The following TENT4A variants were observed in gnomAD, a reference collection of about 807,000 sequenced individuals.
The protein encoded by TENT4A is DNA polymerase kappa.
Under a neutral mutation model 72.8 loss-of-function variants are expected in TENT4A, and 7 were observed. That is an observed-to-expected ratio of 0.10 (90% CI 0.05 to 0.18). TENT4A has a LOEUF of 0.18. Ranked by LOEUF, TENT4A falls within the 10% of genes least tolerant of loss-of-function variation. The pLI is 1.00. For synonymous variants in TENT4A, 456 were observed against 434.3 expected (o/e 1.05, Z -0.62); for missense variants, 831 against 1,017.7 (o/e 0.82, Z 2.50).
intron 2 of TENT4A, 92 bp downstream of exon 2, chr5:6,737,725 G>A: frequency 1.4e-6 from 2 of 1,400,294 alleles, no homozygotes; most frequent in Non-Finnish European, 1.9e-6. Context: ...GATCCACACA[G>A]ACCTTTTCTC....
intron 1 of TENT4A, among the ~76,000 whole-genome samples, chr5:6,729,351 A>G (rs1366203759): frequency 2.0e-5 from 3 of 152,270 alleles, no homozygotes; most frequent in Non-Finnish European, 4.4e-5. Context: ...CCAGGATATT[A>G]ATGTTTTTAG....
intron 1 of TENT4A, 143 bp downstream of exon 1, chr5:6,714,842 A>G (rs1440568049): frequency 8.4e-6 from 3 of 358,494 alleles, no homozygotes; most frequent in Admixed American, 5.0e-5. Flanking sequence ...TCTGCACTGA[A>G]AGTTTTTTTT....
rs1324506529 is a variant in TENT4A, at chr5:6,714,623, G to C, written c.640G>C (p.Gly214Arg). 9.2e-6 allele frequency: 11 copies of C among 1,198,222 alleles called. No individual in the cohort carries two copies. The highest frequency in any genetic ancestry group is 1.1e-5 in the Non-Finnish European group (11 of 966,312). 74.2% of individuals were successfully genotyped at this position (1,198,222 alleles called of 1,614,324 possible). Residue 214 changes from glycine to arginine, a missense_variant, in exon 1 of 13, where the codon GGG (glycine) becomes CGG (arginine). Gly to Arg is a moderately radical substitution (Grantham distance 125, BLOSUM62 -2). Coordinates refer to ENST00000230859, the MANE Select transcript of TENT4A (RefSeq NM_006999.6). ...SGSRAAALSG[G>R]GGPGAQAPRP... ...CAGCCGCGCGGCCGCTCTCAGCGGA[G>C]GGGGCGGCCCCGGGGCCCAGGCGCC...
intron 1 of TENT4A, among the ~76,000 whole-genome samples, chr5:6,730,270 A>G (rs1579464152): frequency 6.6e-6 from 1 of 152,054 alleles, no homozygotes; most frequent in Non-Finnish European, 1.5e-5. Context: ...CCAGGATCCT[A>G]TGTGGCTCAT....
chr5:6,735,499 C>G (rs1166651428), intron 1 of TENT4A, among the ~76,000 whole-genome samples: 3 of 152,126 alleles, frequency 2.0e-5, no homozygotes, highest in Non-Finnish European at 4.4e-5. Flanking sequence ...TGTTAACCTG[C>G]TAACGTGACA....
chr5:6,750,501 G>T lies in TENT4A; in HGVS notation c.1858G>T (p.Val620Phe). 6.3e-7 allele frequency: 1 copy of T among 1,589,834 alleles called. No individual in the cohort carries two copies. Among genetic ancestry groups the T allele is most frequent in the Non-Finnish European group, 8.6e-7 (1 of 1,168,690 alleles). ...TGTGTCTTCACTTTCTGGGAGTGAC[G>T]TTGTAAGTGCCCTCCCCTCCTCCGT... ...SSVSSLSGSD[V>F]DSDTPPCTTP... Residue 620 changes from valine to phenylalanine, a missense_variant and splice_region_variant, in exon 10 of 13, where the codon GTT becomes TTT. Around this residue, in one of 3 missense-constraint regions of TENT4A, gnomAD observed 332 missense variants for 324.3 expected, o/e 1.02. Transcript: ENST00000230859.
At chr5:6,718,043 G>C (rs751325877) in intron 1 of TENT4A, among the ~76,000 whole-genome samples, 1 of 152,344 alleles carries the variant, frequency 6.6e-6, no homozygotes, top group Admixed American at 6.5e-5. Flanking sequence ...TTCGAAGGCT[G>C]TGCCATCTCA....
intron 1 of TENT4A, among the ~76,000 whole-genome samples, chr5:6,725,781 TG>T (rs1342351555): frequency 6.6e-6 from 1 of 152,328 alleles, no homozygotes; most frequent in South Asian, 2.1e-4. Flanking sequence ...TCTAGGCTCG[TG>T]TAGATGGACA....
chr5:6,754,598 C>T (rs535421736), intron 12 of TENT4A, among the ~76,000 whole-genome samples, 153 bp from the exon 13 acceptor site: 3 of 152,160 alleles, frequency 2.0e-5, no homozygotes, highest in African/African-American at 7.2e-5. Context: ...ATGCTTTTCT[C>T]TCAGATGGAG....
At chr5:6,748,182 G>T (rs536839657) in intron 7 of TENT4A, among the ~76,000 whole-genome samples, 1 of 152,366 alleles carries the variant, frequency 6.6e-6, no homozygotes, top group East Asian at 1.9e-4. Context: ...GTGAATGGCA[G>T]CCGCCTCCGT....
intron 1 of TENT4A, among the ~76,000 whole-genome samples, chr5:6,716,135 C>G (rs566080061): frequency 9.2e-5 from 14 of 152,298 alleles, no homozygotes; most frequent in Admixed American, 9.1e-4. Context: ...CATCAGGTCC[C>G]ATGCACCTCA....
intron 1 of TENT4A, among the ~76,000 whole-genome samples, chr5:6,728,063 C>T (rs1218286995): frequency 2.0e-5 from 3 of 152,214 alleles, no homozygotes; most frequent in Non-Finnish European, 4.4e-5. Flanking sequence ...TGTTTTCTGT[C>T]ATCTTGGCGG....
chr5:6,737,149 G>GTT (rs1444386111), intron 1 of TENT4A, among the ~76,000 whole-genome samples: 1 of 152,272 alleles, frequency 6.6e-6, no homozygotes, highest in Non-Finnish European at 1.5e-5. Flanking sequence ...CTGGTTCCCA[G>GTT]CCTCAGAAGT....
chr5:6,721,136 G>A lies in TENT4A; in HGVS notation c.716+6437G>A, dbSNP rs565020989. On this transcript the variant is annotated intron_variant, in intron 1 of 12. Transcript: ENST00000230859. ...TCCTGAGTCTCCTCAGGGAAGGAGG[G>A]GCTGTATTGTAGCCCGCATTCTTAG... 2.8e-4 allele frequency among the ~76,000 whole-genome samples: 43 copies of A among 152,246 alleles called. No homozygotes were observed. In the South Asian group the frequency reaches 8.3e-3, roughly 29 times the overall value.
chr5:6,719,494 C>T lies in TENT4A; in HGVS notation c.716+4795C>T, dbSNP rs149845108. Among the ~76,000 whole-genome samples the T allele has an allele frequency of 3.2e-3, 492 of 152,292 alleles. 2 individuals are homozygous for T. Among genetic ancestry groups the T allele is most frequent in the Non-Finnish European group, 5.5e-3 (374 of 68,020 alleles). ...CAGACTTGCAGAAGATTGAAGAAGC[C>T]GCAGTGCTGCCATGAAGAGGCCCTT... On this transcript the variant is annotated intron_variant, in intron 1 of 12. Transcript: ENST00000230859.
intron 1 of TENT4A, among the ~76,000 whole-genome samples, chr5:6,726,224 G>A (rs1237479869): frequency 6.6e-6 from 1 of 152,208 alleles, no homozygotes; most frequent in African/African-American, 2.4e-5. Flanking sequence ...AGGGGGAGCT[G>A]CGTCCCTGTG....
chr5:6,746,375 G>T lies in TENT4A; in HGVS notation c.1407G>T (p.Met469Ile). The change falls in exon 7 of 13, where the codon ATG (methionine) becomes ATT (isoleucine). Residue 469 changes from methionine to isoleucine, a missense_variant. Met to Ile is a conservative substitution (Grantham distance 10). Around this residue, in one of 3 missense-constraint regions of TENT4A, gnomAD observed 197 missense variants for 399.6 expected, o/e 0.49. Coordinates refer to ENST00000230859, the MANE Select transcript of TENT4A (RefSeq NM_006999.6). The part of the protein sequence containing the change: ...YIAKEEIMKA[M>I]TSGYRPSMLC... ...CCAAAGAGGAGATCATGAAAGCCAT[G>T]ACCAGCGGGTACAGACCGTCGATGC... 6.2e-7 allele frequency: 1 copy of T among 1,614,166 alleles called. No homozygotes were observed. The highest frequency in any genetic ancestry group is 1.1e-5 in the South Asian group (1 of 91,048).
chr5:6,730,755 T>TTA (rs71606073), intron 1 of TENT4A, among the ~76,000 whole-genome samples: 2 of 130,050 alleles, frequency 1.5e-5, no homozygotes, highest in Non-Finnish European at 3.2e-5. Flanking sequence ...AGCCTTAATT[T>TTA]AAAAAAAAAA....
At chr5:6,729,825 C>T (rs1741116361) in intron 1 of TENT4A, among the ~76,000 whole-genome samples, 1 of 152,020 alleles carries the variant, frequency 6.6e-6, no homozygotes, top group Non-Finnish European at 1.5e-5. Flanking sequence ...GGGGTGCCTC[C>T]CCTGGGTTTG....
Sources: allele counts gnomAD v4.1 joint callset (sites outside exome capture counted in the v4.1 genomes callset), GRCh38; gene constraint gnomAD v4.1.1; regional missense constraint gnomAD v4.1.1; transcripts MANE v1.5; gene names NCBI Gene and HGNC (gene_info 2026-07-23, HGNC 2026-07-21).